CBFB: variants seen among roughly 807,000 people sequenced by gnomAD.
CBFB encodes the protein CBF-beta.
CBFB carries 9 observed loss-of-function variants against 30.4 expected under a neutral mutation model. The ratio of observed to expected loss-of-function variants is 0.30; its 90% confidence interval spans 0.18 to 0.52. The LOEUF (loss-of-function observed/expected upper bound fraction) is 0.52, where lower values mean the gene tolerates loss of function less well. Among genes scored for constraint, CBFB ranks in the 20% least tolerant of loss-of-function variants. The probability of loss-of-function intolerance (pLI) is 0.97; values close to 1 mark genes in which losing one functional copy is unlikely to be tolerated. For missense variants in CBFB, 170 were observed against 244.0 expected (o/e 0.70, Z 2.02); for synonymous variants, 94 against 84.0 (o/e 1.12, Z -0.65).
chr16:67,093,889 C>T (rs966622711), intron 5 of CBFB, among the ~76,000 whole-genome samples: 2 of 152,118 alleles, frequency 1.3e-5, no homozygotes, highest in African/African-American at 4.8e-5. Context: ...CTTCAAAAAC[C>T]TTCATTAGAA....
intron 2 of CBFB, among the ~76,000 whole-genome samples, chr16:67,036,049 C>T (rs2145712175): frequency 6.6e-6 from 1 of 151,838 alleles, no homozygotes; most frequent in Non-Finnish European, 1.5e-5. Flanking sequence ...AGACCAAGTT[C>T]TCCTAAAGTC....
intron 3 of CBFB, among the ~76,000 whole-genome samples, chr16:67,054,642 T>G (rs1960659536): frequency 6.6e-6 from 1 of 152,186 alleles, no homozygotes; most frequent in South Asian, 2.1e-4. Flanking sequence ...TTACCTTATT[T>G]TCTTACTGTC....
At chr16:67,038,748 G>T (rs1474525119) in intron 3 of CBFB, among the ~76,000 whole-genome samples, 1 of 151,312 alleles carries the variant, frequency 6.6e-6, no homozygotes, top group African/African-American at 2.4e-5. Context: ...TGTTTAACAT[G>T]GTAGCTCAGA....
At chr16:67,042,510 AC>A (rs982867040) in intron 3 of CBFB, among the ~76,000 whole-genome samples, 5 of 151,682 alleles carry the variant, frequency 3.3e-5, no homozygotes, top group South Asian at 2.1e-4. Flanking sequence ...TATTTCAGTC[AC>A]CCCCCCAAAG....
chr16:67,039,998 A>G (rs1597125151), intron 3 of CBFB, among the ~76,000 whole-genome samples: 1 of 152,092 alleles, frequency 6.6e-6, no homozygotes, highest in East Asian at 1.9e-4. Flanking sequence ...CTTTTTTTCT[A>G]GAAGAAAAAA....
At chr16:67,084,740 TTTAAA>T (rs1219358221) in intron 5 of CBFB, among the ~76,000 whole-genome samples, 1 of 152,188 alleles carries the variant, frequency 6.6e-6, no homozygotes, top group Non-Finnish European at 1.5e-5. Context: ...TACACTATTG[TTTAAA>T]TTAAGGTGTG....
chr16:67,090,454 G>A (rs1961850884), intron 5 of CBFB, among the ~76,000 whole-genome samples: 1 of 152,076 alleles, frequency 6.6e-6, no homozygotes, highest in Admixed American at 6.6e-5. Context: ...TCTTTTTGGG[G>A]TATATATGTC....
At chr16:67,030,766 A>G (rs1966327245) in intron 2 of CBFB, among the ~76,000 whole-genome samples, 1 of 151,864 alleles carries the variant, frequency 6.6e-6, no homozygotes, top group African/African-American at 2.4e-5. Context: ...CGCCCGGCTA[A>G]TTTTTGCATT....
At chr16:67,037,018 C>T (rs1234721794) in intron 3 of CBFB, among the ~76,000 whole-genome samples, 1 of 152,054 alleles carries the variant, frequency 6.6e-6, no homozygotes, top group Admixed American at 6.6e-5. Context: ...CCTGCCTCAG[C>T]CTCCTGAGTA....
intron 5 of CBFB, among the ~76,000 whole-genome samples, chr16:67,095,327 G>T (rs1317785339): frequency 2.6e-5 from 4 of 151,766 alleles, no homozygotes. Flanking sequence ...GACCATCCTG[G>T]CTAACATGGT....
chr16:67,068,512 G>A lies in CBFB; in HGVS notation c.399+1714G>A, dbSNP rs530211698. Among the ~76,000 whole-genome samples the A allele has an allele frequency of 2.0e-5, 3 of 152,216 alleles. No individual in the cohort carries two copies. In the East Asian group the frequency reaches 5.8e-4, roughly 29 times the overall value. On this transcript the variant is annotated intron_variant, in intron 4 of 5. Coordinates refer to ENST00000412916, the MANE Select transcript of CBFB (RefSeq NM_022845.3). ...GAAAAAAAGAGAAAAACTGAGCAGTGACATCAGAGGCTGTGCACTGCTGTG... is the reference window on the plus strand; with the variant it reads ...GAAAAAAAGAGAAAAACTGAGCAGTAACATCAGAGGCTGTGCACTGCTGTG...
intron 4 of CBFB, among the ~76,000 whole-genome samples, chr16:67,080,644 T>C (rs1961529544): frequency 6.6e-6 from 1 of 152,220 alleles, no homozygotes; most frequent in Non-Finnish European, 1.5e-5. Context: ...TGTTAATAAA[T>C]ATATTTTCCT....
intron 2 of CBFB, among the ~76,000 whole-genome samples, chr16:67,033,456 G>T (rs913478732): frequency 6.6e-6 from 1 of 151,882 alleles, no homozygotes; most frequent in Non-Finnish European, 1.5e-5. Flanking sequence ...GACTTGCTGG[G>T]ATTACAGGCG....
chr16:67,059,421 A>T (rs956473602), intron 3 of CBFB, among the ~76,000 whole-genome samples: 21 of 152,168 alleles, frequency 1.4e-4, no homozygotes, highest in African/African-American at 4.8e-4. Context: ...TCATAATTGA[A>T]TCCGTTTTGC....
intron 3 of CBFB, among the ~76,000 whole-genome samples, chr16:67,045,688 C>G (rs1813876680): frequency 6.6e-6 from 1 of 152,018 alleles, no homozygotes; most frequent in Non-Finnish European, 1.5e-5. Flanking sequence ...AGGTGAAATT[C>G]TCTTTCATGA....
At chr16:67,029,611 C>CG in intron 1 of CBFB, 116 bp from the exon 2 acceptor site, 2 of 1,312,374 alleles carry the variant, frequency 1.5e-6, no homozygotes, top group Non-Finnish European at 2.1e-6. Context: ...GCAATCTCGC[C>CG]GGGGCGGCCA....
chr16:67,091,535 C>T (rs1019942569), intron 5 of CBFB, among the ~76,000 whole-genome samples: 6 of 152,182 alleles, frequency 3.9e-5, no homozygotes, highest in African/African-American at 1.4e-4. Flanking sequence ...GTGGTAGGGC[C>T]ATCATGGTCC....
intron 2 of CBFB, chr16:67,030,071 A>G (rs1047722405): frequency 2.4e-6 from 1 of 421,674 alleles, no homozygotes; most frequent in Non-Finnish European, 4.2e-6. Context: ...CCCGAGCCAG[A>G]CTAAACAAGC....
In CBFB at chr16:67,050,089, A is replaced by G. The variant is rs146402854; in HGVS notation, c.282+13334A>G. ...AGGTAAGTTGATGCAAACTCCACAT[A>G]CCACCTTCCAAAGCCTTATTTAGAG... On this transcript the variant is annotated intron_variant, in intron 3 of 5. Transcript: ENST00000412916. Among the ~76,000 whole-genome samples the G allele has an allele frequency of 2.3e-3, 351 of 151,126 alleles. 2 individuals are homozygous for G. Among genetic ancestry groups the G allele is most frequent in the African/African-American group, 8.1e-3 (336 of 41,308 alleles).
Sources: allele counts gnomAD v4.1 joint callset (sites outside exome capture counted in the v4.1 genomes callset), GRCh38; gene constraint gnomAD v4.1.1; transcripts MANE v1.5; gene names NCBI Gene and HGNC (gene_info 2026-07-23, HGNC 2026-07-21).